Variants in MTPAP observed in about 807,000 individuals in gnomAD.
The protein encoded by MTPAP is poly(A) RNA polymerase, mitochondrial.
In MTPAP, 23 loss-of-function variants were observed where a neutral mutation model predicts 48.7. The ratio of observed to expected loss-of-function variants is 0.47; its 90% confidence interval spans 0.34 to 0.67. The LOEUF (loss-of-function observed/expected upper bound fraction) is 0.67. MTPAP is among the 30% of genes least tolerant of loss of function. The pLI is 0.01. For missense variants in MTPAP, 614 were observed against 694.3 expected (o/e 0.88, Z 1.30); for synonymous variants, 257 against 254.1 (o/e 1.01, Z -0.11).
intron 4 of MTPAP, among the ~76,000 whole-genome samples, chr10:30,327,845 C>CAAA (rs71525585): frequency 8.3e-5 from 7 of 84,130 alleles, no homozygotes; most frequent in Non-Finnish European, 1.4e-4. Flanking sequence ...GACTCCATCT[C>CAAA]AAAAAAAAAA....
chr10:30,315,746 G>C (rs36053135), intron 8 of MTPAP, among the ~76,000 whole-genome samples: 80 of 152,138 alleles, frequency 5.3e-4, no homozygotes, highest in Non-Finnish European at 9.6e-4. Context: ...TAATAACAAG[G>C]CAGATGCTAA....
chr10:30,313,426 C>T lies in MTPAP; in HGVS notation c.*183G>A. ...GTTTTAATAAAGTGCCACTGAGTAT[C>T]AGACTGATCAAACTGAAAACATCCC... On this transcript the variant is annotated 3_prime_UTR_variant, in exon 9 of 9. Coordinates refer to ENST00000263063, the MANE Select transcript of MTPAP (RefSeq NM_018109.4). The T allele has an allele frequency of 1.3e-6, 1 of 787,422 alleles. No individual in the cohort carries two copies. The highest frequency in any genetic ancestry group is 2.3e-5 in the Admixed American group (1 of 43,950). The allele number at this position is 787,422 out of a possible 1,614,324, so 48.8% of individuals were successfully genotyped here. A position where few individuals can be genotyped will look rare whatever the true frequency, so the allele number is the denominator to read the frequency against.
Position 30,332,829 on chromosome 10 carries a change from A to G in MTPAP, c.780+3974T>C, listed in dbSNP as rs182172157. 2.7e-3 allele frequency among the ~76,000 whole-genome samples: 404 copies of G among 151,992 alleles called. 1 individual carries two copies. Among genetic ancestry groups the G allele is most frequent in the African/African-American group, 9.3e-3 (384 of 41,464 alleles). On this transcript the variant is annotated intron_variant, in intron 4 of 8. Transcript: ENST00000263063. ...GAAACAACGAGTCAATAAGAAAACA[A>G]AAATTAAAATGGCCGGGCGCAGTGG...
At chr10:30,341,068 T>A (rs965866836) in intron 2 of MTPAP, among the ~76,000 whole-genome samples, 1 of 151,940 alleles carries the variant, frequency 6.6e-6, no homozygotes, top group African/African-American at 2.4e-5. Flanking sequence ...TCTAAAGTAT[T>A]CAAGCTGGGT....
chr10:30,329,912 G>GA (rs10713085), intron 4 of MTPAP, among the ~76,000 whole-genome samples: 11 of 151,084 alleles, frequency 7.3e-5, no homozygotes, highest in African/African-American at 2.2e-4. Context: ...ACTAATGGGG[G>GA]AAAAAAAATG....
intron 6 of MTPAP, among the ~76,000 whole-genome samples, chr10:30,316,615 C>A (rs1004511512): frequency 6.6e-6 from 1 of 151,124 alleles, no homozygotes; most frequent in East Asian, 2.0e-4. Context: ...TAAGGCCAGG[C>A]GCGGTGGCTC....
At chr10:30,342,694 G>A (rs759176130) in intron 1 of MTPAP, among the ~76,000 whole-genome samples, 2 of 151,998 alleles carry the variant, frequency 1.3e-5, no homozygotes, top group South Asian at 2.1e-4. Flanking sequence ...TTGGAAATTC[G>A]GTGTTTTGAC....
At chr10:30,320,699 C>T (rs1038928817) in intron 6 of MTPAP, among the ~76,000 whole-genome samples, 1 of 152,106 alleles carries the variant, frequency 6.6e-6, no homozygotes, top group Non-Finnish European at 1.5e-5. Context: ...GGAGGAAAGA[C>T]AACATAAGCC....
At chr10:30,342,515 G>A (rs140061702) in intron 1 of MTPAP, among the ~76,000 whole-genome samples, 678 of 137,378 alleles carry the variant, frequency 4.9e-3, no homozygotes, top group African/African-American at 0.016. Flanking sequence ...TACTATGCTT[G>A]ATGCAAAGTG....
At position 30,315,957 on chromosome 10, in the gene MTPAP, A is replaced by G. The variant is rs369322127; in HGVS notation, c.1386+6T>C. On this transcript the variant is annotated splice_donor_region_variant and intron_variant, in intron 8 of 8. Transcript: ENST00000263063. Reference sequence around the variant, plus strand: ...ACTAATAACTAAATAGTAAAACATTATTTACCTGTCGAATATTTATGGAAT... The same window carrying G: ...ACTAATAACTAAATAGTAAAACATTGTTTACCTGTCGAATATTTATGGAAT... The G allele has an allele frequency of 3.3e-5, 52 of 1,582,056 alleles. No individual in the cohort carries two copies. Among genetic ancestry groups the G allele is most frequent in the Non-Finnish European group, 4.1e-5 (47 of 1,155,846 alleles).
rs55642261 is a variant in MTPAP, at chr10:30,327,499, A to AAAATAAAT, written c.781-872_781-865dup. On this transcript the variant is annotated intron_variant, in intron 4 of 8. Coordinates refer to ENST00000263063, the MANE Select transcript of MTPAP (RefSeq NM_018109.4). ...GGGCAACTGAGCGAGACTCCATTTCAAAATAAATAAATAAATAAATAAATA... is the reference window on the plus strand; with the variant it reads ...GGGCAACTGAGCGAGACTCCATTTCAAAATAAATAAATAAATAAATAAATAAATAAATA... Among the ~76,000 whole-genome samples the AAAATAAAT allele has an allele frequency of 6.9e-3, 961 of 138,990 alleles. 13 individuals carry two copies. Among genetic ancestry groups the AAAATAAAT allele is most frequent in the African/African-American group, 0.023 (851 of 37,238 alleles). 91.2% of individuals were successfully genotyped at this position (138,990 alleles called of 152,430 possible).
chr10:30,316,286 A>G (rs1225093348), intron 6 of MTPAP, 76 bp from the exon 7 acceptor site: 7 of 1,140,812 alleles, frequency 6.1e-6, no homozygotes, highest in Non-Finnish European at 9.0e-6. Flanking sequence ...TCTGTCATCC[A>G]GGCTGGAGTG....
chr10:30,310,757 G>A lies in MTPAP; in HGVS notation c.*2852C>T, dbSNP rs1840582299. The A allele has an allele frequency of 6.6e-6, 1 of 151,982 alleles. No individual in the cohort carries two copies. Among genetic ancestry groups the A allele is most frequent in the Admixed American group, 6.6e-5 (1 of 15,234 alleles). The allele number at this position is 151,982 out of a possible 1,614,324, so 9.4% of individuals were successfully genotyped here. ...TCTACTAACATACAAAAATTAGCTA[G>A]GCATGGTGGCAGGCGCCTGTAATCC... On this transcript the variant is annotated 3_prime_UTR_variant, in exon 9 of 9. Coordinates refer to ENST00000263063, the MANE Select transcript of MTPAP (RefSeq NM_018109.4).
At position 30,326,560 on chromosome 10, in the gene MTPAP, A is replaced by T. The variant is rs1834599884; in HGVS notation, c.856T>A (p.Ser286Thr). ...TGGTCAAGGCACTCTCCTAACACAG[A>T]CAGGATCTTCTGAGTTGCAATTCTT... ...SERIATQKIL[S>T]VLGECLDHFG... is the part of the protein sequence containing the mutation. Residue 286 changes from serine (S) to threonine (T), a missense_variant, in exon 5 of 9, where the codon TCT becomes ACT. Coordinates refer to ENST00000263063, the MANE Select transcript of MTPAP (RefSeq NM_018109.4). The T allele has an allele frequency of 6.2e-7, 1 of 1,614,172 alleles. No homozygotes were observed. Among genetic ancestry groups the T allele is most frequent in the Non-Finnish European group, 8.5e-7 (1 of 1,180,002 alleles).
At chr10:30,320,442 A>T (rs532121743) in intron 6 of MTPAP, among the ~76,000 whole-genome samples, 2 of 152,286 alleles carry the variant, frequency 1.3e-5, no homozygotes, top group Admixed American at 6.5e-5. Context: ...AGATTACGTG[A>T]GCCCGGGAGG....
intron 1 of MTPAP, 133 bp downstream of exon 1, chr10:30,348,986 G>A (rs557908518): frequency 5.3e-6 from 7 of 1,318,866 alleles, no homozygotes; most frequent in African/African-American, 1.5e-5. Flanking sequence ...TCAGAGGAGA[G>A]GAGAGGACAG....
intron 5 of MTPAP, among the ~76,000 whole-genome samples, chr10:30,324,279 G>A (rs1166206444): frequency 6.6e-6 from 1 of 152,144 alleles, no homozygotes; most frequent in East Asian, 1.9e-4. Flanking sequence ...GCATTTCAAA[G>A]CAGGAGGATG....
chr10:30,348,847 G>A (rs1834900498), intron 1 of MTPAP: 2 of 509,330 alleles, frequency 3.9e-6, no homozygotes, highest in Admixed American at 3.4e-5. Context: ...AAGCAAACTG[G>A]GTTCCTGACC....
chr10:30,326,409 T>A lies in MTPAP; in HGVS notation c.992+15A>T. On this transcript the variant is annotated intron_variant, in intron 5 of 8. Coordinates refer to ENST00000263063, the MANE Select transcript of MTPAP (RefSeq NM_018109.4). ...GAATATTCATATTTAAAATAATAAATGTAAGCGGTCATACCTATTGTTCGT... is the reference window on the plus strand; with the variant it reads ...GAATATTCATATTTAAAATAATAAAAGTAAGCGGTCATACCTATTGTTCGT... 6.2e-7 allele frequency: 1 copy of A among 1,603,230 alleles called. No individual in the cohort carries two copies. Among genetic ancestry groups the A allele is most frequent in the Non-Finnish European group, 8.5e-7 (1 of 1,170,440 alleles).
Sources: gnomAD v4.1 joint callset for allele counts (sites outside exome capture counted in the v4.1 genomes callset) on GRCh38, gnomAD v4.1.1 for gene constraint, MANE v1.5 for transcripts, NCBI Gene and HGNC (gene_info 2026-07-23, HGNC 2026-07-21) for gene names.